Variants in POPDC1 observed in about 807,000 individuals in gnomAD.
The protein encoded by POPDC1 is popeye domain-containing protein 1.
the POPDC1 span, among the ~76,000 whole-genome samples, chr6:105,115,090 C>G: frequency 6.6e-6 from 1 of 152,194 alleles, no homozygotes; most frequent in East Asian, 1.9e-4. Flanking sequence ...TGGTGAGCCA[C>G]TATTTTTTAT....
the POPDC1 span, among the ~76,000 whole-genome samples, chr6:105,106,798 C>A: frequency 0.9 from 136,162 of 151,894 alleles, 61,551 homozygotes; most frequent in Non-Finnish European, 0.96. Flanking sequence ...GCCTTAAAAA[C>A]CTTTTTTTTA....
the POPDC1 span, among the ~76,000 whole-genome samples, chr6:105,103,686 T>C: frequency 6.6e-6 from 1 of 152,338 alleles, no homozygotes; most frequent in East Asian, 1.9e-4. Context: ...CCCAGTTTAT[T>C]CTGTCTGAGG....
the POPDC1 span, among the ~76,000 whole-genome samples, chr6:105,103,071 G>A: frequency 6.6e-6 from 1 of 152,140 alleles, no homozygotes. Flanking sequence ...TCAAACACAC[G>A]AAACACAACC....
the POPDC1 span, chr6:105,098,089 C>A: frequency 1.3e-5 from 2 of 152,080 alleles, no homozygotes; most frequent in Non-Finnish European, 2.9e-5. Context: ...CTTTTGCAGA[C>A]CATTTTCTGA....
At chr6:105,107,394 G>C in the POPDC1 span, among the ~76,000 whole-genome samples, 7 of 152,260 alleles carry the variant, frequency 4.6e-5, 1 homozygote, top group South Asian at 1.2e-3. Context: ...AATTACAGGA[G>C]AGCCTGAAGG....
the POPDC1 span, among the ~76,000 whole-genome samples, chr6:105,109,023 T>C: frequency 6.6e-6 from 1 of 152,230 alleles, no homozygotes; most frequent in African/African-American, 2.4e-5. Context: ...TGCAGTGTCG[T>C]GATCTTGACT....
At chr6:105,108,613 A>T in the POPDC1 span, among the ~76,000 whole-genome samples, 3 of 152,198 alleles carry the variant, frequency 2.0e-5, no homozygotes, top group African/African-American at 7.2e-5. Context: ...TAGGGGAAAA[A>T]AGAGAGTCAA....
At chr6:105,129,292 T>C in the POPDC1 span, 20 of 1,168,652 alleles carry the variant, frequency 1.7e-5, no homozygotes, top group Admixed American at 2.8e-5. Context: ...CTAAATATGC[T>C]AGATACTTAC....
chr6:105,101,135 A>C, the POPDC1 span: 1 of 1,613,886 alleles, frequency 6.2e-7, no homozygotes. Flanking sequence ...TGCCGGTTCA[A>C]AAACGTCATC....
At chr6:105,104,360 G>A in the POPDC1 span, among the ~76,000 whole-genome samples, 694 of 152,146 alleles carry the variant, frequency 4.6e-3, 6 homozygotes, top group African/African-American at 0.016. Flanking sequence ...TTAGAAAACA[G>A]GCATCTTGAG....
chr6:105,121,712 A>G, the POPDC1 span, among the ~76,000 whole-genome samples: 4 of 152,204 alleles, frequency 2.6e-5, no homozygotes, highest in African/African-American at 9.6e-5. Context: ...CTCTATCACT[A>G]TGCTTATTAT....
At chr6:105,098,706 C>G in the POPDC1 span, 2 of 152,200 alleles carry the variant, frequency 1.3e-5, no homozygotes, top group Non-Finnish European at 2.9e-5. Flanking sequence ...TACACCTGTG[C>G]TCTCAGGTAC....
the POPDC1 span, among the ~76,000 whole-genome samples, chr6:105,101,560 T>C: frequency 2.0e-5 from 3 of 152,202 alleles, no homozygotes; most frequent in Non-Finnish European, 1.5e-5. Context: ...CATGGGGGCT[T>C]GAGTCTCATA....
chr6:105,125,123 T>C, the POPDC1 span, among the ~76,000 whole-genome samples: 1 of 152,238 alleles, frequency 6.6e-6, no homozygotes, highest in African/African-American at 2.4e-5. Flanking sequence ...CAATTTTGAC[T>C]CATATTTTTA....
the POPDC1 span, among the ~76,000 whole-genome samples, chr6:105,123,113 T>C: frequency 6.6e-6 from 1 of 152,174 alleles, no homozygotes; most frequent in Non-Finnish European, 1.5e-5. Context: ...TAAAATAAGA[T>C]TCTGTCATCA....
the POPDC1 span, among the ~76,000 whole-genome samples, chr6:105,126,226 C>G: frequency 9.2e-6 from 1 of 108,302 alleles, no homozygotes; most frequent in Non-Finnish European, 2.0e-5. Flanking sequence ...AACTCGGTAT[C>G]AAAAAAAAAT....
At chr6:105,097,206 C>T in the POPDC1 span, 8 of 152,186 alleles carry the variant, frequency 5.3e-5, no homozygotes, top group East Asian at 3.9e-4. Context: ...GCCTCAGCCT[C>T]GAGCTCCCCG....
At chr6:105,107,928 T>G in the POPDC1 span, among the ~76,000 whole-genome samples, 1 of 152,178 alleles carries the variant, frequency 6.6e-6, no homozygotes, top group Non-Finnish European at 1.5e-5. Context: ...AAGAGTAGCT[T>G]TGGCTTGTGC....
the POPDC1 span, chr6:105,116,783 A>G: frequency 8.7e-6 from 14 of 1,612,670 alleles, no homozygotes; most frequent in African/African-American, 1.7e-4. Context: ...GATTTCATAC[A>G]AGAAAGGTTC....
Sources: allele counts gnomAD v4.1 joint callset (sites outside exome capture counted in the v4.1 genomes callset), GRCh38; gene constraint gnomAD v4.1.1; transcripts MANE v1.5; gene names NCBI Gene and HGNC (gene_info 2026-07-23, HGNC 2026-07-21).